TMEM43: variants seen among roughly 807,000 people sequenced by gnomAD.
TMEM43 encodes the protein transmembrane protein 43, also known as arrhythmogenic right ventricular dysplasia 5.
TMEM43 carries 45 observed loss-of-function variants against 49.6 expected under a neutral mutation model. The observed-to-expected ratio is 0.91, with a 90% confidence interval of 0.71 to 1.16. The LOEUF is 1.16. Among genes scored for constraint, TMEM43 ranks in the 50% most tolerant of loss-of-function variants. The pLI is 0.00. For synonymous variants in TMEM43, 199 were observed against 207.8 expected (o/e 0.96, Z 0.36); for missense variants, 532 against 516.6 (o/e 1.03, Z -0.29).
chr3:14,130,928 A>G lies in TMEM43; in HGVS notation c.269A>G (p.His90Arg), dbSNP rs753528238. Reference protein sequence around the residue: ...VAPENEGRLVHIIGALRTSKL... With the variant: ...VAPENEGRLVRIIGALRTSKL... ...CCGGAGAATGAAGGAAGGCTGGTGC[A>G]CATCATTGGCGCCTTACGGACATCC... Residue 90 changes from histidine (H) to arginine (R), a missense_variant, in exon 3 of 12, where the codon CAC (histidine) becomes CGC (arginine). Coordinates refer to ENST00000306077, the MANE Select transcript of TMEM43 (RefSeq NM_024334.3). 5 of 1,613,076 alleles carry G rather than the reference A, an allele frequency of 3.1e-6. No homozygotes were observed. Among genetic ancestry groups the G allele is most frequent in the Non-Finnish European group, 4.2e-6 (5 of 1,179,302 alleles).
chr3:14,135,654 T>G lies in TMEM43; in HGVS notation c.781-153T>G, dbSNP rs563854597. 4.6e-5 allele frequency among the ~76,000 whole-genome samples: 7 copies of G among 152,296 alleles called. No individual in the cohort carries two copies. In the South Asian group the frequency reaches 1.5e-3, roughly 32 times the overall value. ...GCTCAGCCAGAGCTGCAGAGGTGGA[T>G]GCATCCCAGATGGATGTATAGAGAG... is the stretch of plus-strand genomic sequence containing the variant. On this transcript the variant is annotated intron_variant, in intron 9 of 11. Coordinates refer to ENST00000306077, the MANE Select transcript of TMEM43 (RefSeq NM_024334.3).
At chr3:14,127,026 C>T (rs1049241948) in intron 1 of TMEM43, among the ~76,000 whole-genome samples, 20 of 152,130 alleles carry the variant, frequency 1.3e-4, no homozygotes, top group African/African-American at 4.3e-4. Context: ...ATTTCCAGGG[C>T]CTATGTGTCA....
chr3:14,131,622 A>G lies in TMEM43; in HGVS notation c.340A>G (p.Lys114Glu), dbSNP rs1405671255. 3 of 1,614,188 alleles carry G rather than the reference A, an allele frequency of 1.9e-6. No individual in the cohort carries two copies. Among genetic ancestry groups the G allele is most frequent in the Non-Finnish European group, 1.7e-6 (2 of 1,180,034 alleles). ...PNYGVHLPAVKLRRHVEMYQW... is the reference protein window; with the variant it reads ...PNYGVHLPAVELRRHVEMYQW... ...CTATGGGGTCCATCTTCCGGCTGTG[A>G]AACTGCGGAGGCACGTGGAGATGTA... The change falls in exon 4 of 12, where the codon AAA (lysine) becomes GAA (glutamate). Residue 114 changes from lysine (K) to glutamate (E), a missense_variant. Coordinates refer to ENST00000306077, the MANE Select transcript of TMEM43 (RefSeq NM_024334.3).
At chr3:14,133,923 C>T (rs1246404473) in intron 7 of TMEM43, 114 bp downstream of exon 7, 2 of 991,410 alleles carry the variant, frequency 2.0e-6, no homozygotes, top group African/African-American at 3.2e-5. Context: ...CAGTCTGCAC[C>T]TTTCCCAGCA....
chr3:14,127,010 C>A (rs1695029496), intron 1 of TMEM43, among the ~76,000 whole-genome samples: 1 of 152,200 alleles, frequency 6.6e-6, no homozygotes, highest in Admixed American at 6.5e-5. Flanking sequence ...AAATCCAGTT[C>A]TGTCCATTTC....
chr3:14,131,104 T>C lies in TMEM43; in HGVS notation c.297+148T>C. 6 of 1,009,564 alleles carry C rather than the reference T, an allele frequency of 5.9e-6. No homozygotes were observed. In the South Asian group the frequency reaches 9.8e-5, roughly 17 times the overall value. The allele number at this position is 1,009,564 out of a possible 1,614,324, so 62.5% of individuals were successfully genotyped here. A position where few individuals can be genotyped will look rare whatever the true frequency, so the allele number is the denominator to read the frequency against. On this transcript the variant is annotated intron_variant, in intron 3 of 11. Coordinates refer to ENST00000306077, the MANE Select transcript of TMEM43 (RefSeq NM_024334.3). Reference sequence around the variant, plus strand: ...ACCACTCAGCAGCTGTGTGGACTTGTCTATCCTGAGTCTCAGTGTCTTCGT... The same window carrying C: ...ACCACTCAGCAGCTGTGTGGACTTGCCTATCCTGAGTCTCAGTGTCTTCGT...
chr3:14,129,205 T>C (rs1369970164), intron 1 of TMEM43: 4 of 490,674 alleles, frequency 8.2e-6, no homozygotes, highest in Non-Finnish European at 1.4e-5. Flanking sequence ...GGAAATATTT[T>C]GTACCTTGCT....
chr3:14,131,346 T>C (rs1293988590), intron 3 of TMEM43, among the ~76,000 whole-genome samples: 3 of 152,236 alleles, frequency 2.0e-5, no homozygotes, highest in African/African-American at 7.2e-5. Context: ...CACCATGCCA[T>C]TGGGCCATGC....
At chr3:14,131,509 CT>C in intron 3 of TMEM43, 70 bp from the exon 4 acceptor site, 1 of 1,329,488 alleles carries the variant, frequency 7.5e-7, no homozygotes, top group South Asian at 1.2e-5. Context: ...CCAGCTTCCC[CT>C]GAGCCAGGCT....
At chr3:14,139,118 C>T in intron 10 of TMEM43, 62 bp from the exon 11 acceptor site, 1 of 1,248,678 alleles carries the variant, frequency 8.0e-7, no homozygotes, top group Non-Finnish European at 1.2e-6. Flanking sequence ...CAGGACCTGC[C>T]CTGCCGACTG....
chr3:14,130,919 G>A lies in TMEM43; in HGVS notation c.260G>A (p.Arg87Lys). ...AGTGTGGCTCCGGAGAATGAAGGAA[G>A]GCTGGTGCACATCATTGGCGCCTTA... Reference protein sequence around the residue: ...IHSVAPENEGRLVHIIGALRT... With the variant: ...IHSVAPENEGKLVHIIGALRT... The change falls in exon 3 of 12, where the codon AGG (arginine) becomes AAG (lysine). Residue 87 changes from arginine to lysine, a missense_variant. By Grantham distance (26) the Arg-to-Lys change is conservative. Transcript: ENST00000306077. 6.2e-7 allele frequency: 1 copy of A among 1,613,414 alleles called. No individual in the cohort carries two copies. The highest frequency in any genetic ancestry group is 8.5e-7 in the Non-Finnish European group (1 of 1,179,534).
rs1210733212 is a variant in TMEM43 at position 14,125,108 on chromosome 3, A to C, written c.-86A>C. 3 of 1,569,292 alleles carry C rather than the reference A, an allele frequency of 1.9e-6. No individual in the cohort carries two copies. The highest frequency in any genetic ancestry group is 1.7e-6 in the Non-Finnish European group (2 of 1,153,532). On this transcript the variant is annotated 5_prime_UTR_variant, in exon 1 of 12. Coordinates refer to ENST00000306077, the MANE Select transcript of TMEM43 (RefSeq NM_024334.3). Reference sequence around the variant, plus strand: ...GCGGATTTTCGAAGCTGGGGCTGGCAAGAGGCCGCTGGACACCACGCTCCA... The same window carrying C: ...GCGGATTTTCGAAGCTGGGGCTGGCCAGAGGCCGCTGGACACCACGCTCCA...
chr3:14,139,088 C>T (rs1367891050), intron 10 of TMEM43, 92 bp from the exon 11 acceptor site: 3 of 921,528 alleles, frequency 3.3e-6, no homozygotes, highest in Non-Finnish European at 5.5e-6. Context: ...CCAACAGCTC[C>T]CGAGTTGGTA....
Position 14,133,765 on chromosome 3 carries a change from C to T in TMEM43, c.539C>T (p.Ala180Val). ...PSAMAVESFM[A>V]TAPFVQIGRF... ...GCCATGGCAGTGGAGTCATTCATGG[C>T]AACAGCCCCCTTTGTCCAAATTGGC... Residue 180 changes from alanine to valine, a missense_variant, in exon 7 of 12, where the codon GCA becomes GTA. Ala to Val is a moderately conservative substitution (Grantham distance 64). Coordinates refer to ENST00000306077, the MANE Select transcript of TMEM43 (RefSeq NM_024334.3). 1 of 1,614,194 alleles carries T rather than the reference C, an allele frequency of 6.2e-7. No homozygotes were observed. The highest frequency in any genetic ancestry group is 8.5e-7 in the Non-Finnish European group (1 of 1,180,008).
At chr3:14,129,307 T>TAAAAAAAAAAAAAAAAAAAAAAAAA (rs10648308) in intron 1 of TMEM43, 105 bp from the exon 2 acceptor site, 2 of 380,668 alleles carry the variant, frequency 5.3e-6, no homozygotes, top group African/African-American at 3.5e-5. Context: ...CAGTTAAAAC[T>TAAAAAAAAAAAAAAAAAAAAAAAAA]AAAAAAAAAA....
intron 4 of TMEM43, among the ~76,000 whole-genome samples, chr3:14,131,954 G>A (rs1695101826): frequency 6.6e-6 from 1 of 152,192 alleles, no homozygotes; most frequent in Admixed American, 6.5e-5. Context: ...GAGCAGGCCT[G>A]AAACACTGTC....
At chr3:14,135,782 C>T in intron 9 of TMEM43, 25 bp from the exon 10 acceptor site, 2 of 1,605,934 alleles carry the variant, frequency 1.2e-6, no homozygotes, top group Non-Finnish European at 1.7e-6. Flanking sequence ...CACCCCTCAG[C>T]TCTAACACCA....
At chr3:14,131,810 T>G in intron 4 of TMEM43, 136 bp downstream of exon 4, 1 of 735,262 alleles carries the variant, frequency 1.4e-6, no homozygotes, top group Non-Finnish European at 2.4e-6. Context: ...AAGTGTGAAA[T>G]GATCCCCAAA....
In TMEM43 at chr3:14,131,599, A is replaced by G. The variant is rs747310600; in HGVS notation, c.317A>G (p.Tyr106Cys). The G allele has an allele frequency of 1.9e-5, 31 of 1,614,012 alleles. 1 individual carries two copies. In the South Asian group the frequency reaches 3.3e-4, roughly 17 times the overall value. ...TTGAAGCTTTTGTCTGATCCAAACT[A>G]TGGGGTCCATCTTCCGGCTGTGAAA... ...RTSKLLSDPN[Y>C]GVHLPAVKLR... is the part of the protein sequence containing the mutation. Residue 106 changes from tyrosine to cysteine, a missense_variant, in exon 4 of 12, where the codon TAT becomes TGT. Physicochemically the swap from Tyr to Cys is radical, Grantham distance 194. Transcript: ENST00000306077.
Sources: allele counts gnomAD v4.1 joint callset (sites outside exome capture counted in the v4.1 genomes callset), GRCh38; gene constraint gnomAD v4.1.1; transcripts MANE v1.5; gene names NCBI Gene and HGNC (gene_info 2026-07-23, HGNC 2026-07-21).